The following STX2 variants were observed in gnomAD, a reference collection of about 807,000 sequenced individuals.
STX2 encodes the protein syntaxin 2.
In STX2, 27 loss-of-function variants were observed where a neutral mutation model predicts 40.6. The observed-to-expected ratio is 0.66, with a 90% CI of 0.49 to 0.92. The LOEUF (loss-of-function observed/expected upper bound fraction) is 0.92. Ranked by LOEUF, STX2 falls within the 40% of genes least tolerant of loss-of-function variation. The probability of loss-of-function intolerance (pLI) is 0.00; values close to 1 mark genes in which losing one functional copy is unlikely to be tolerated. For missense variants in STX2, 328 were observed against 366.1 expected (o/e 0.90, Z 0.85); for synonymous variants, 123 against 119.1 (o/e 1.03, Z -0.22).
At chr12:130,817,007 A>C (rs1391281779) in intron 3 of STX2, among the ~76,000 whole-genome samples, 1 of 152,194 alleles carries the variant, frequency 6.6e-6, no homozygotes, top group Non-Finnish European at 1.5e-5. Flanking sequence ...AAAATAAATC[A>C]TCTCTTTAAA....
Position 130,803,363 on chromosome 12 carries a change from C to A in STX2, c.464-1875G>T, listed in dbSNP as rs191653500. Among the ~76,000 whole-genome samples, 30 of 152,224 alleles carry A rather than the reference C, an allele frequency of 2.0e-4. 1 individual carries two copies. Among genetic ancestry groups the A allele is most frequent in the Admixed American group, 1.1e-3 (17 of 15,280 alleles). On this transcript the variant is annotated intron_variant, in intron 6 of 10. Coordinates refer to ENST00000392373, the MANE Select transcript of STX2 (RefSeq NM_194356.4). ...AAAAAATAAAATAAAACTTAAAAAT[C>A]TATTCAAAATAGCTCAATAAGGAGA...
In STX2 at chr12:130,801,423, T is replaced by G. The variant is rs1489841386; in HGVS notation, c.529A>C (p.Thr177Pro). The G allele has an allele frequency of 6.2e-7, 1 of 1,609,814 alleles. No homozygotes were observed. Among genetic ancestry groups the G allele is most frequent in the African/African-American group, 1.3e-5 (1 of 74,874 alleles). The change falls in exon 7 of 11, where the codon ACT (threonine) becomes CCT (proline). Residue 177 changes from threonine (T) to proline (P), a missense_variant. Transcript: ENST00000392373. ...MLESGKPSIF[T>P]SDIISDSQIT... ...GCCGCACCCCCACTCACGTCGGAAGTGAAGATGGATGGCTTCCCGCTCTCC... is the reference window on the plus strand; with the variant it reads ...GCCGCACCCCCACTCACGTCGGAAGGGAAGATGGATGGCTTCCCGCTCTCC...
At chr12:130,821,667 G>A (rs773472155) in intron 3 of STX2, 22 bp downstream of exon 3, 2 of 1,592,714 alleles carry the variant, frequency 1.3e-6, no homozygotes, top group African/African-American at 2.7e-5. Context: ...CAAACGTTTT[G>A]TTGTGAAAAC....
chr12:130,796,229 C>G lies in STX2; in HGVS notation c.787-109G>C. 2.8e-6 allele frequency: 4 copies of G among 1,412,848 alleles called. No homozygotes were observed. The South Asian group carries it at 4.0e-5, about 14-fold the overall frequency. 87.5% of individuals were successfully genotyped at this position (1,412,848 alleles called of 1,614,324 possible). A position where few individuals can be genotyped will look rare whatever the true frequency, so the allele number is the denominator to read the frequency against. On this transcript the variant is annotated intron_variant, in intron 9 of 10. Coordinates refer to ENST00000392373, the MANE Select transcript of STX2 (RefSeq NM_194356.4). ...AACGACCTGGCCAGGTGTGGTGGCT[C>G]ACGCCTGTAATCTCAGCACTTTGGG...
intron 6 of STX2, among the ~76,000 whole-genome samples, chr12:130,806,158 G>A (rs1951424473): frequency 1.3e-5 from 2 of 152,236 alleles, no homozygotes; most frequent in African/African-American, 4.8e-5. Context: ...GTGGGACAAG[G>A]TCAAGCGGCC....
intron 3 of STX2, among the ~76,000 whole-genome samples, chr12:130,815,904 T>C (rs1229972831): frequency 1.3e-5 from 2 of 152,162 alleles, no homozygotes; most frequent in Non-Finnish European, 2.9e-5. Flanking sequence ...TGGAGGTAGG[T>C]AGGCTATATC....
In STX2 at chr12:130,797,122, G is replaced by A. The variant is rs188260791; in HGVS notation, c.787-1002C>T. The stretch of plus-strand genomic sequence containing the variant: ...GAGTTTATACGCCAGCTACCGCACA[G>A]ACCCCAAGCACCTCACAGAGCCAGG... On this transcript the variant is annotated intron_variant, in intron 9 of 10. Transcript: ENST00000392373. Among the ~76,000 whole-genome samples, 61 of 152,314 alleles carry A rather than the reference G, an allele frequency of 4.0e-4. No homozygotes were observed. In the East Asian group the frequency reaches 0.011, roughly 27 times the overall value.
At chr12:130,813,162 A>G in intron 3 of STX2, 131 bp from the exon 4 acceptor site, 1 of 538,454 alleles carries the variant, frequency 1.9e-6, no homozygotes, top group Non-Finnish European at 3.0e-6. Context: ...AAGAAAAACT[A>G]CCGCTTATAC....
At chr12:130,792,158 T>C (rs913967475) in intron 10 of STX2, among the ~76,000 whole-genome samples, 181 bp from the exon 11 acceptor site, 4 of 152,198 alleles carry the variant, frequency 2.6e-5, no homozygotes, top group African/African-American at 9.6e-5. Context: ...CCTTCCGGGT[T>C]CAAGTGATTC....
At chr12:130,810,367 T>TA (rs1321772002) in intron 4 of STX2, among the ~76,000 whole-genome samples, 1 of 152,178 alleles carries the variant, frequency 6.6e-6, no homozygotes, top group African/African-American at 2.4e-5. Context: ...TTTTATCTTT[T>TA]AAAAAAATCT....
rs781693692 is a variant in STX2 at position 130,801,310 on chromosome 12, A to T, written c.538-20T>A. The T allele has an allele frequency of 3.1e-6, 5 of 1,604,270 alleles. No homozygotes were observed. In the South Asian group the frequency reaches 5.6e-5, roughly 18 times the overall value. ...TATAATCTTGGAAAAACAAAAATAA[A>T]AGATAATATTAATAAACTTATGATG... On this transcript the variant is annotated intron_variant, in intron 7 of 10. Transcript: ENST00000392373.
At chr12:130,803,676 AAAAAAAAAAAAAAC>A (rs1409128018) in intron 6 of STX2, among the ~76,000 whole-genome samples, 3 of 112,982 alleles carry the variant, frequency 2.7e-5, no homozygotes, top group African/African-American at 6.8e-5. Flanking sequence ...CAAAAAAAAA[AAAAAAAAAAAAAAC>A]AAACTAAAAG....
At chr12:130,836,298 A>T (rs1952755857) in intron 1 of STX2, among the ~76,000 whole-genome samples, 1 of 152,160 alleles carries the variant, frequency 6.6e-6, no homozygotes, top group African/African-American at 2.4e-5. Flanking sequence ...ACAGGGTCTC[A>T]ATCTGTCTGT....
At chr12:130,809,159 G>A (rs1324663633) in intron 4 of STX2, among the ~76,000 whole-genome samples, 7 of 152,060 alleles carry the variant, frequency 4.6e-5, no homozygotes, top group Admixed American at 3.3e-4. Context: ...GAGCCACTGC[G>A]CCCAACCCCA....
In STX2 at chr12:130,821,803, G is replaced by A. The variant is rs565310141; in HGVS notation, c.106-15C>T. The A allele has an allele frequency of 6.4e-5, 99 of 1,554,538 alleles. No individual in the cohort carries two copies. In the South Asian group the frequency reaches 1.0e-3, roughly 16 times the overall value. On this transcript the variant is annotated splice_polypyrimidine_tract_variant and intron_variant, in intron 2 of 10. Transcript: ENST00000392373. ...ATCTCCTCCACCTAGGAGAGAGAGA[G>A]AGTCATTACAGCATGGCAAACTCAA...
intron 2 of STX2, among the ~76,000 whole-genome samples, chr12:130,824,100 A>G (rs1952212871): frequency 6.6e-6 from 1 of 152,204 alleles, no homozygotes; most frequent in African/African-American, 2.4e-5. Context: ...GTATTAAAGA[A>G]TCATGCAGGC....
chr12:130,838,967 TG>T, intron 1 of STX2, 102 bp downstream of exon 1: 1 of 643,564 alleles, frequency 1.6e-6, no homozygotes, highest in Non-Finnish European at 1.9e-6. Context: ...ATCCCCGCCC[TG>T]GGGACCCTCC....
intron 3 of STX2, among the ~76,000 whole-genome samples, chr12:130,820,708 C>T (rs1252286767): frequency 6.6e-6 from 1 of 152,006 alleles, no homozygotes; most frequent in African/African-American, 2.4e-5. Flanking sequence ...AAAGTACATA[C>T]GACTTGCATT....
intron 2 of STX2, among the ~76,000 whole-genome samples, chr12:130,826,726 C>T (rs928017906): frequency 6.6e-5 from 10 of 152,028 alleles, no homozygotes; most frequent in Non-Finnish European, 1.3e-4. Flanking sequence ...AGCCACCAGG[C>T]ACAAGGGCTC....
Sources: allele counts gnomAD v4.1 joint callset (sites outside exome capture counted in the v4.1 genomes callset), GRCh38; gene constraint gnomAD v4.1.1; transcripts MANE v1.5; gene names NCBI Gene and HGNC (gene_info 2026-07-23, HGNC 2026-07-21).